FHIT: variants seen among roughly 807,000 people sequenced by gnomAD.
The protein encoded by FHIT is bis(5'-adenosyl)-triphosphatase.
FHIT carries 19 observed loss-of-function variants against 17.9 expected under a neutral mutation model. The observed-to-expected ratio is 1.06, with a 90% CI of 0.74 to 1.56. FHIT has a LOEUF of 1.56. Among genes scored for constraint, FHIT ranks in the 40% most tolerant of loss-of-function variants. The probability of loss-of-function intolerance (pLI) is 0.00; values close to 1 mark genes in which losing one functional copy is unlikely to be tolerated. For missense variants in FHIT, 248 were observed against 189.2 expected, an observed-to-expected ratio of 1.31 and a Z score of -1.82; for synonymous variants, 81 against 69.7, an observed-to-expected ratio of 1.16 and a Z score of -0.81.
intron 3 of FHIT, among the ~76,000 whole-genome samples, chr3:60,822,548 C>T (rs1447211358): frequency 2.0e-5 from 3 of 152,172 alleles, no homozygotes; most frequent in Non-Finnish European, 2.9e-5. Context: ...TTTGGTCCCA[C>T]TGGCCTGAGT....
chr3:60,005,848 C>T (rs1423224590), intron 7 of FHIT, among the ~76,000 whole-genome samples: 2 of 152,278 alleles, frequency 1.3e-5, no homozygotes, highest in East Asian at 1.9e-4. Flanking sequence ...TTTTCATCCT[C>T]AAGATAAGGC....
At chr3:60,492,248 T>C (rs1048356699) in intron 5 of FHIT, among the ~76,000 whole-genome samples, 19 of 152,304 alleles carry the variant, frequency 1.2e-4, no homozygotes, top group Non-Finnish European at 2.5e-4. Context: ...AAGACAACAG[T>C]AGCTATCTGA....
intron 5 of FHIT, among the ~76,000 whole-genome samples, chr3:60,376,257 A>G (rs183219788): frequency 1.3e-5 from 2 of 152,346 alleles, no homozygotes; most frequent in South Asian, 2.1e-4. Flanking sequence ...CATAGTGTCT[A>G]TTCAAAGAGC....
intron 5 of FHIT, among the ~76,000 whole-genome samples, chr3:60,210,944 A>C (rs935298877): frequency 6.6e-6 from 1 of 152,088 alleles, no homozygotes; most frequent in African/African-American, 2.4e-5. Context: ...ATATGTTTGC[A>C]CAAAGCAATT....
At chr3:60,950,485 C>CA (rs1341386926) in intron 3 of FHIT, among the ~76,000 whole-genome samples, 7 of 140,478 alleles carry the variant, frequency 5.0e-5, no homozygotes, top group South Asian at 2.3e-4. Context: ...GCTTTTTTTT[C>CA]TTTTTTTTTT....
rs192660009 is a variant in FHIT, at chr3:60,920,469, G to T, written c.-110-98458C>A. Among the ~76,000 whole-genome samples the T allele has an allele frequency of 8.4e-3, 1,284 of 152,238 alleles. 9 individuals carry two copies. Among genetic ancestry groups the T allele is most frequent in the Middle Eastern group, 0.034 (10 of 294 alleles). ...GTCTAGATCGGTAGAGGCAGGTGGGGTTATAGTGGTGGTGATCAGTGGTAG... is the reference window on the plus strand; with the variant it reads ...GTCTAGATCGGTAGAGGCAGGTGGGTTTATAGTGGTGGTGATCAGTGGTAG... On this transcript the variant is annotated intron_variant, in intron 3 of 9. Transcript: ENST00000492590.
chr3:61,118,219 G>A (rs1292389761), intron 2 of FHIT, among the ~76,000 whole-genome samples: 1 of 152,140 alleles, frequency 6.6e-6, no homozygotes, highest in Admixed American at 6.6e-5. Flanking sequence ...GTCGCTGAAA[G>A]GCCTATCTTC....
At chr3:61,192,844 G>C (rs2038755198) in intron 2 of FHIT, among the ~76,000 whole-genome samples, 1 of 152,128 alleles carries the variant, frequency 6.6e-6, no homozygotes, top group Non-Finnish European at 1.5e-5. Context: ...CTTATCATGG[G>C]AGTCATAAAG....
At position 60,204,460 on chromosome 3, in the gene FHIT, T is replaced by TA. The variant is rs1206897255; in HGVS notation, c.104-190309_104-190308insT. Among the ~76,000 whole-genome samples, 18 of 144,348 alleles carry TA rather than the reference T, an allele frequency of 1.2e-4. 1 individual carries two copies. The highest frequency in any genetic ancestry group is 4.5e-4 in the African/African-American group (18 of 40,206). 94.7% of individuals were successfully genotyped at this position (144,348 alleles called of 152,430 possible). A position where few individuals can be genotyped will look rare whatever the true frequency, so the allele number is the denominator to read the frequency against. The stretch of plus-strand genomic sequence containing the variant: ...AATATTCTGGTTTTTTTTTTTTTGT[T>TA]TTGTTTTTTTAGTAGAGATGGAGTT... On this transcript the variant is annotated intron_variant, in intron 5 of 9. Coordinates refer to ENST00000492590, the MANE Select transcript of FHIT (RefSeq NM_002012.4).
chr3:61,210,674 G>C (rs2039434267), intron 1 of FHIT, among the ~76,000 whole-genome samples: 3 of 152,150 alleles, frequency 2.0e-5, no homozygotes, highest in Admixed American at 1.3e-4. Flanking sequence ...ATTACGGTGG[G>C]AGTGACCTGA....
chr3:59,981,654 C>A (rs571102262), intron 7 of FHIT, among the ~76,000 whole-genome samples: 1 of 152,126 alleles, frequency 6.6e-6, no homozygotes. Context: ...CGCACATTAA[C>A]GCAGAGAGAT....
chr3:60,189,199 GA>G (rs1369689996), intron 5 of FHIT, among the ~76,000 whole-genome samples: 9 of 149,450 alleles, frequency 6.0e-5, no homozygotes, highest in South Asian at 2.1e-4. Flanking sequence ...AAATGAAAGG[GA>G]AAAAAAAATC....
intron 5 of FHIT, among the ~76,000 whole-genome samples, chr3:60,235,887 T>C (rs1177770870): frequency 6.6e-6 from 1 of 152,088 alleles, no homozygotes. Flanking sequence ...TAAAGGTCAG[T>C]TTATCACTAG....
At chr3:60,537,331 G>A (rs751330473) in intron 4 of FHIT, 1 of 283,464 alleles carries the variant, frequency 3.5e-6, no homozygotes, top group Non-Finnish European at 5.3e-6. Flanking sequence ...CATCTATTTT[G>A]TCATGTCTGC....
chr3:60,888,558 A>G (rs1705341683), intron 3 of FHIT, among the ~76,000 whole-genome samples: 1 of 152,184 alleles, frequency 6.6e-6, no homozygotes, highest in Non-Finnish European at 1.5e-5. Flanking sequence ...TTAGAATAAC[A>G]TGTCAAATTA....
intron 7 of FHIT, among the ~76,000 whole-genome samples, chr3:60,005,985 G>A (rs973244927): frequency 6.6e-6 from 1 of 152,148 alleles, no homozygotes; most frequent in Non-Finnish European, 1.5e-5. Flanking sequence ...GTGTGCATCA[G>A]AATCACTTGT....
intron 4 of FHIT, chr3:60,732,675 C>A: frequency 1.9e-5 from 6 of 317,362 alleles, no homozygotes; most frequent in Admixed American, 7.5e-5. Flanking sequence ...GCAGCGTCTG[C>A]AAAGACTGCT....
At chr3:60,028,677 A>T (rs2106771927) in intron 5 of FHIT, among the ~76,000 whole-genome samples, 1 of 152,342 alleles carries the variant, frequency 6.6e-6, no homozygotes, top group African/African-American at 2.4e-5. Context: ...TTTGAATCAA[A>T]TGTAAATAAA....
chr3:60,457,769 G>A (rs569369844), intron 5 of FHIT, among the ~76,000 whole-genome samples: 133 of 149,590 alleles, frequency 8.9e-4, no homozygotes, highest in Middle Eastern at 3.5e-3. Flanking sequence ...AAAACTGGGC[G>A]AAGGATATGA....
Sources: gnomAD v4.1 joint callset for allele counts (sites outside exome capture counted in the v4.1 genomes callset) on GRCh38, gnomAD v4.1.1 for gene constraint, MANE v1.5 for transcripts, NCBI Gene and HGNC (gene_info 2026-07-23, HGNC 2026-07-21) for gene names.